Variants in TAMM41 observed in about 807,000 individuals in gnomAD.
The protein encoded by TAMM41 is phosphatidate cytidylyltransferase, mitochondrial.
Under a neutral mutation model 44.1 loss-of-function variants are expected in TAMM41, and 36 were observed. The ratio of observed to expected loss-of-function variants is 0.82; its 90% CI spans 0.63 to 1.08. TAMM41 has a LOEUF of 1.08. Ranked by LOEUF, TAMM41 falls within the 50% of genes least tolerant of loss-of-function variation. TAMM41 has a pLI of 0.00. For synonymous variants in TAMM41, 164 were observed against 153.1 expected, an observed-to-expected ratio of 1.07 and a Z score of -0.53; for missense variants, 417 against 404.3, an observed-to-expected ratio of 1.03 and a Z score of -0.27.
At chr3:11,748,406 C>T in the TAMM41 span, among the ~76,000 whole-genome samples, 5 of 151,964 alleles carry the variant, frequency 3.3e-5, no homozygotes, top group Non-Finnish European at 5.9e-5. Flanking sequence ...CTTCAGCCTC[C>T]GAGTAGCTGG....
intron 3 of TAMM41, among the ~76,000 whole-genome samples, chr3:11,836,039 G>A (rs2079159617): frequency 6.6e-6 from 1 of 150,922 alleles, no homozygotes; most frequent in South Asian, 2.1e-4. Context: ...ACCTAGGCTG[G>A]AGTGCGGAGT....
chr3:11,813,876 ATATATGTATATATGTG>A (rs1352087508), intron 5 of TAMM41, among the ~76,000 whole-genome samples: 116 of 144,186 alleles, frequency 8.0e-4, no homozygotes, highest in African/African-American at 3.0e-3. Context: ...ATATATATGT[ATATATGTATATATGTG>A]TATATATGTA....
the TAMM41 span, among the ~76,000 whole-genome samples, chr3:11,779,602 T>A: frequency 3.3e-5 from 5 of 152,020 alleles, no homozygotes; most frequent in African/African-American, 1.2e-4. Context: ...CAGGTTTGTT[T>A]GTTCTCTTCA....
At chr3:11,840,481 C>T (rs967035557) in intron 2 of TAMM41, among the ~76,000 whole-genome samples, 11 of 152,172 alleles carry the variant, frequency 7.2e-5, no homozygotes, top group East Asian at 3.9e-4. Flanking sequence ...GTGATCCACT[C>T]GCCTCGGCCT....
the TAMM41 span, among the ~76,000 whole-genome samples, chr3:11,724,390 AC>A: frequency 6.7e-6 from 1 of 150,296 alleles, no homozygotes; most frequent in East Asian, 2.0e-4. Flanking sequence ...GGCATGAGCC[AC>A]CGCACCTGGC....
At chr3:11,743,942 A>G in the TAMM41 span, among the ~76,000 whole-genome samples, 1 of 152,120 alleles carries the variant, frequency 6.6e-6, no homozygotes, top group Admixed American at 6.5e-5. Flanking sequence ...AAATGAACCA[A>G]TCGCTCATCT....
chr3:11,844,024 C>T lies in TAMM41; in HGVS notation c.318+5G>A, dbSNP rs776556386. On this transcript the variant is annotated splice_donor_5th_base_variant and intron_variant, in intron 2 of 7. Coordinates refer to ENST00000455809, the MANE Select transcript of TAMM41 (RefSeq NM_001284401.2). The stretch of plus-strand genomic sequence containing the variant: ...AAGTTAAGACAAAGGCCAGCAGTCA[C>T]TTACCCTACCATTACACATGATCAA... The T allele has an allele frequency of 6.2e-7, 1 of 1,612,822 alleles. No homozygotes were observed.
the TAMM41 span, among the ~76,000 whole-genome samples, chr3:11,748,282 ATTTATTT>A: frequency 2.0e-5 from 3 of 150,440 alleles, no homozygotes; most frequent in Non-Finnish European, 4.4e-5. Flanking sequence ...TTATTTATTT[ATTTATTT>A]ATTTATTTTT....
chr3:11,808,156 A>T, intron 6 of TAMM41: 1 of 951,846 alleles, frequency 1.1e-6, no homozygotes, highest in Non-Finnish European at 1.4e-6. Context: ...TCCCCTTAAA[A>T]CAAGGGGATG....
At chr3:11,824,528 G>A (rs2078663802) in intron 4 of TAMM41, among the ~76,000 whole-genome samples, 2 of 150,540 alleles carry the variant, frequency 1.3e-5, no homozygotes, top group African/African-American at 4.9e-5. Flanking sequence ...TCCTGACCTT[G>A]AGTGATCCAT....
the TAMM41 span, among the ~76,000 whole-genome samples, chr3:11,743,335 C>CTTT: frequency 2.8e-5 from 4 of 141,010 alleles, no homozygotes; most frequent in African/African-American, 7.9e-5. Flanking sequence ...CTAATAATCT[C>CTTT]TTTTTTTTTT....
chr3:11,724,539 C>T, the TAMM41 span, among the ~76,000 whole-genome samples: 3,025 of 152,248 alleles, frequency 0.02, 101 homozygotes, highest in East Asian at 0.19. Context: ...CCTCAGCCTC[C>T]TGAGTAGCTA....
At chr3:11,756,098 C>A in the TAMM41 span, among the ~76,000 whole-genome samples, 1 of 152,164 alleles carries the variant, frequency 6.6e-6, no homozygotes, top group African/African-American at 2.4e-5. Context: ...GAGTTTATTC[C>A]AGGACTATTT....
the TAMM41 span, among the ~76,000 whole-genome samples, chr3:11,781,414 CTGAAG>C: frequency 6.6e-6 from 1 of 152,052 alleles, no homozygotes; most frequent in Non-Finnish European, 1.5e-5. Flanking sequence ...GAACAGCATG[CTGAAG>C]CGAAAGGGGA....
chr3:11,766,086 C>T, the TAMM41 span, among the ~76,000 whole-genome samples: 1 of 152,174 alleles, frequency 6.6e-6, no homozygotes, highest in African/African-American at 2.4e-5. Flanking sequence ...GCCTAGGATT[C>T]CTGACAAATA....
intron 6 of TAMM41, chr3:11,808,270 C>A: frequency 9.5e-7 from 1 of 1,056,422 alleles, no homozygotes. Flanking sequence ...ATTACATCTA[C>A]GAGAAAAACT....
the TAMM41 span, among the ~76,000 whole-genome samples, chr3:11,746,430 C>T: frequency 1.3e-5 from 2 of 151,800 alleles, no homozygotes; most frequent in East Asian, 1.9e-4. Context: ...AGCAGCTTTA[C>T]CAATAAGAGC....
intron 4 of TAMM41, among the ~76,000 whole-genome samples, chr3:11,822,679 GT>G (rs1308176734): frequency 1.3e-5 from 2 of 152,188 alleles, no homozygotes. Flanking sequence ...TTAGCAAAAT[GT>G]TTTCAAGGGT....
At chr3:11,845,478 A>G (rs913601074) in intron 1 of TAMM41, among the ~76,000 whole-genome samples, 2 of 152,036 alleles carry the variant, frequency 1.3e-5, no homozygotes, top group African/African-American at 4.8e-5. Context: ...GTAGAGTGTG[A>G]CTCTACAGAC....
Sources: gnomAD v4.1 joint callset for allele counts (sites outside exome capture counted in the v4.1 genomes callset) on GRCh38, gnomAD v4.1.1 for gene constraint, MANE v1.5 for transcripts, NCBI Gene and HGNC (gene_info 2026-07-23, HGNC 2026-07-21) for gene names.